Variants in DIAPH3 observed in about 807,000 individuals in gnomAD.
DIAPH3 encodes protein diaphanous homolog 3.
A neutral mutation model predicts 144.3 loss-of-function variants in DIAPH3; 117 were observed. The observed-to-expected ratio is 0.81, with a 90% CI of 0.70 to 0.95. The LOEUF (loss-of-function observed/expected upper bound fraction) is 0.95, where lower values mean the gene tolerates loss of function less well. Ranked by LOEUF, DIAPH3 falls within the 40% of genes least tolerant of loss-of-function variation. DIAPH3 has a pLI of 0.00. For synonymous variants in DIAPH3, 519 were observed against 488.9 expected, an observed-to-expected ratio of 1.06 and a Z score of -0.81; for missense variants, 1,421 against 1,412.7, an observed-to-expected ratio of 1.01 and a Z score of -0.09.
intron 27 of DIAPH3, among the ~76,000 whole-genome samples, chr13:59,740,001 T>C (rs1593718274): frequency 1.3e-5 from 2 of 152,290 alleles, no homozygotes; most frequent in South Asian, 4.1e-4. Context: ...CTAGGTTACA[T>C]GCAGACACTA....
At chr13:59,987,215 T>C (rs2051455384) in intron 12 of DIAPH3, among the ~76,000 whole-genome samples, 1 of 151,406 alleles carries the variant, frequency 6.6e-6, no homozygotes, top group African/African-American at 2.4e-5. Flanking sequence ...CTCAGTAAAC[T>C]ATCGCAAGAA....
intron 27 of DIAPH3, among the ~76,000 whole-genome samples, chr13:59,679,687 A>T (rs78219818): frequency 0.021 from 3,203 of 152,336 alleles, 82 homozygotes; most frequent in East Asian, 0.12. Flanking sequence ...GTGTTAGCAC[A>T]GAAGCCTTAA....
chr13:59,795,968 A>C (rs764350633), intron 25 of DIAPH3, among the ~76,000 whole-genome samples: 6 of 152,208 alleles, frequency 3.9e-5, no homozygotes, highest in Admixed American at 6.5e-5. Context: ...GAGAAGTTGA[A>C]ATTAGATTAG....
intron 21 of DIAPH3, among the ~76,000 whole-genome samples, chr13:59,870,293 G>A (rs1358161294): frequency 1.3e-5 from 2 of 151,446 alleles, no homozygotes; most frequent in African/African-American, 4.9e-5. Flanking sequence ...TCTATTTCTG[G>A]GGTCTCTATT....
intron 20 of DIAPH3, among the ~76,000 whole-genome samples, chr13:59,910,660 C>T (rs1376902283): frequency 6.7e-6 from 1 of 150,090 alleles, no homozygotes; most frequent in Non-Finnish European, 1.5e-5. Flanking sequence ...ACCTGGGAGG[C>T]GCAGGTTTTG....
chr13:59,912,640 C>T (rs1396013906), intron 19 of DIAPH3, among the ~76,000 whole-genome samples: 3 of 152,206 alleles, frequency 2.0e-5, no homozygotes, highest in African/African-American at 2.4e-5. Flanking sequence ...AATAGCGTTA[C>T]AAGAAGTTAG....
intron 4 of DIAPH3, among the ~76,000 whole-genome samples, chr13:60,055,739 A>G (rs1594530643): frequency 6.6e-6 from 1 of 152,084 alleles, no homozygotes; most frequent in Admixed American, 6.6e-5. Context: ...AAAGAAATGA[A>G]AAAATACACA....
At chr13:59,795,963 G>C (rs1393569086) in intron 25 of DIAPH3, among the ~76,000 whole-genome samples, 1 of 152,180 alleles carries the variant, frequency 6.6e-6, no homozygotes, top group African/African-American at 2.4e-5. Context: ...AAGAGGAGAA[G>C]TTGAAATTAG....
chr13:60,103,346 A>T (rs990080929), intron 3 of DIAPH3, among the ~76,000 whole-genome samples: 1 of 152,120 alleles, frequency 6.6e-6, no homozygotes, highest in African/African-American at 2.4e-5. Flanking sequence ...AAATTTACAT[A>T]CATCAAGTTG....
chr13:60,125,145 T>C (rs760349379), intron 2 of DIAPH3, among the ~76,000 whole-genome samples: 3 of 152,176 alleles, frequency 2.0e-5, no homozygotes, highest in Non-Finnish European at 4.4e-5. Flanking sequence ...TAGCTAACAA[T>C]TACATAGTCC....
intron 1 of DIAPH3, among the ~76,000 whole-genome samples, chr13:60,136,951 AAAT>A (rs869050381): frequency 3.1e-4 from 28 of 89,018 alleles, no homozygotes; most frequent in South Asian, 3.8e-4. Context: ...AAAAAAAAAA[AAAT>A]AATAATAAAT....
chr13:59,709,228 T>C (rs2034593178), intron 27 of DIAPH3, among the ~76,000 whole-genome samples: 1 of 152,194 alleles, frequency 6.6e-6, no homozygotes, highest in Admixed American at 6.5e-5. Flanking sequence ...GTTGGTCTTT[T>C]TTCAAAACAA....
chr13:59,971,626 A>C (rs1236375012), intron 15 of DIAPH3, among the ~76,000 whole-genome samples: 3 of 152,244 alleles, frequency 2.0e-5, no homozygotes, highest in Non-Finnish European at 2.9e-5. Context: ...AAAAGAACTT[A>C]AATGGTATTG....
chr13:59,729,531 C>T (rs76102115), intron 27 of DIAPH3, among the ~76,000 whole-genome samples: 6,487 of 152,088 alleles, frequency 0.043, 236 homozygotes, highest in South Asian at 0.1. Context: ...TTTACCATAA[C>T]GTGGTAGCAT....
At chr13:59,839,188 A>G in intron 23 of DIAPH3, 136 bp downstream of exon 23, 1 of 985,590 alleles carries the variant, frequency 1.0e-6, no homozygotes, top group Non-Finnish European at 1.5e-6. Context: ...ATTTCCCTGC[A>G]AGAAGGCAAA....
intron 24 of DIAPH3, among the ~76,000 whole-genome samples, chr13:59,820,739 T>C (rs1339076694): frequency 1.3e-5 from 2 of 151,202 alleles, no homozygotes; most frequent in Non-Finnish European, 3.0e-5. Flanking sequence ...TAAAACAAAA[T>C]ATAAAAATGA....
At chr13:59,671,109 G>A (rs908507249) in intron 27 of DIAPH3, among the ~76,000 whole-genome samples, 11 of 152,198 alleles carry the variant, frequency 7.2e-5, no homozygotes, top group Non-Finnish European at 1.3e-4. Context: ...GTGGGCTGGA[G>A]ACCTAAATTC....
chr13:59,840,749 CT>C (rs1264919520), intron 22 of DIAPH3, among the ~76,000 whole-genome samples: 2 of 151,918 alleles, frequency 1.3e-5, no homozygotes, highest in African/African-American at 4.8e-5. Context: ...AGTGATGGTA[CT>C]TTAACTGTTT....
intron 20 of DIAPH3, among the ~76,000 whole-genome samples, chr13:59,900,489 T>C (rs1419854877): frequency 6.6e-6 from 1 of 152,158 alleles, no homozygotes; most frequent in Admixed American, 6.5e-5. Flanking sequence ...TAGTGTTATA[T>C]ATAAAATCAC....
Sources: allele counts gnomAD v4.1 joint callset (sites outside exome capture counted in the v4.1 genomes callset), GRCh38; gene constraint gnomAD v4.1.1; transcripts MANE v1.5; gene names NCBI Gene and HGNC (gene_info 2026-07-23, HGNC 2026-07-21).